The following PTPN13 variants were observed in gnomAD, a reference collection of about 807,000 sequenced individuals.
PTPN13 encodes tyrosine-protein phosphatase non-receptor type 13.
Under a neutral mutation model 284.0 loss-of-function variants are expected in PTPN13, and 191 were observed. The ratio of observed to expected loss-of-function variants is 0.67; its 90% CI spans 0.60 to 0.76. The LOEUF (loss-of-function observed/expected upper bound fraction) is 0.76. PTPN13 is among the 30% of genes least tolerant of loss of function. The probability of loss-of-function intolerance (pLI) is 0.00; values close to 1 mark genes in which losing one functional copy is unlikely to be tolerated. For missense variants in PTPN13, 2,797 were observed against 2,939.9 expected (o/e 0.95, Z 1.12); for synonymous variants, 986 against 1,022.3 (o/e 0.96, Z 0.68).
chr4:86,720,410 A>G (rs1565408376), intron 9 of PTPN13, among the ~76,000 whole-genome samples: 1 of 152,114 alleles, frequency 6.6e-6, no homozygotes, highest in Non-Finnish European at 1.5e-5. Flanking sequence ...TTCATACTTC[A>G]TGGGGAGAAA....
chr4:86,752,249 C>T (rs1327753404), intron 19 of PTPN13, among the ~76,000 whole-genome samples: 1 of 152,100 alleles, frequency 6.6e-6, no homozygotes, highest in Non-Finnish European at 1.5e-5. Context: ...TCTCTAATTA[C>T]CCAAAGTTTA....
chr4:86,762,648 T>G, intron 23 of PTPN13, 79 bp from the exon 24 acceptor site: 1 of 1,112,032 alleles, frequency 9.0e-7, no homozygotes, highest in East Asian at 2.4e-5. Flanking sequence ...CTTCCAACAA[T>G]CTTCAAGAAA....
chr4:86,775,291 T>A lies in PTPN13; in HGVS notation c.5629T>A (p.Leu1877Met). The A allele has an allele frequency of 6.2e-7, 1 of 1,613,552 alleles. No homozygotes were observed. Among genetic ancestry groups the A allele is most frequent in the Non-Finnish European group, 8.5e-7 (1 of 1,179,720 alleles). ...TCTAGAATTACCCAGAATACCAATGTTGCCTCATTTGCTACCGGACATAAC... is the reference window on the plus strand; with the variant it reads ...TCTAGAATTACCCAGAATACCAATGATGCCTCATTTGCTACCGGACATAAC... ...RVLELPRIPM[L>M]PHLLPDITLT... The change falls in exon 34 of 48, where the codon TTG (leucine) becomes ATG (methionine). Residue 1877 changes from leucine (L) to methionine (M), a missense_variant. Leu to Met is a conservative substitution (Grantham distance 15). Coordinates refer to ENST00000411767, the MANE Select transcript of PTPN13 (RefSeq NM_080683.3).
chr4:86,618,778 G>A (rs1288967695), intron 1 of PTPN13, among the ~76,000 whole-genome samples: 2 of 152,190 alleles, frequency 1.3e-5, no homozygotes, highest in Non-Finnish European at 2.9e-5. Context: ...CATTGATTTT[G>A]TATCCTGAGA....
intron 1 of PTPN13, among the ~76,000 whole-genome samples, chr4:86,632,663 C>G (rs1722592235): frequency 6.6e-6 from 1 of 151,494 alleles, no homozygotes; most frequent in Non-Finnish European, 1.5e-5. Context: ...TTTCCCTTCT[C>G]TCCTTTTCCC....
chr4:86,597,001 A>G (rs1019891782), intron 1 of PTPN13, among the ~76,000 whole-genome samples: 1 of 152,178 alleles, frequency 6.6e-6, no homozygotes, highest in East Asian at 1.9e-4. Flanking sequence ...AACTCTGTGT[A>G]GTTCAAAGTA....
chr4:86,665,470 C>T (rs1726959957), intron 2 of PTPN13, among the ~76,000 whole-genome samples: 1 of 152,042 alleles, frequency 6.6e-6, no homozygotes, highest in South Asian at 2.1e-4. Context: ...AAGTTAATGA[C>T]TATGTATAGT....
At chr4:86,811,773 A>AT (rs1275548532) in intron 47 of PTPN13, among the ~76,000 whole-genome samples, 5 of 152,326 alleles carry the variant, frequency 3.3e-5, no homozygotes, top group African/African-American at 1.2e-4. Context: ...ATATCCATAA[A>AT]TTAACATTTC....
At chr4:86,700,399 G>T (rs915638474) in intron 6 of PTPN13, among the ~76,000 whole-genome samples, 5 of 151,362 alleles carry the variant, frequency 3.3e-5, no homozygotes, top group Admixed American at 3.3e-4. Context: ...CTTTTTTGTT[G>T]AATCTATGGA....
rs934110018 is a variant in PTPN13, at chr4:86,771,600, A to G, written c.5168+65A>G. 15 of 1,425,714 alleles carry G rather than the reference A, an allele frequency of 1.1e-5. No homozygotes were observed. In the African/African-American group the frequency reaches 1.6e-4, roughly 15 times the overall value. 88.3% of individuals were successfully genotyped at this position (1,425,714 alleles called of 1,614,324 possible). On this transcript the variant is annotated intron_variant, in intron 31 of 47. Coordinates refer to ENST00000411767, the MANE Select transcript of PTPN13 (RefSeq NM_080683.3). ...TGTTGTTAGTAGCAGTAGCAGCAAC[A>G]TGCATTTCTCTTAAGAATGAAATGT...
At chr4:86,729,076 G>T (rs542355656) in intron 10 of PTPN13, among the ~76,000 whole-genome samples, 5 of 149,320 alleles carry the variant, frequency 3.3e-5, no homozygotes, top group Admixed American at 2.7e-4. Flanking sequence ...GTCTGTAAAG[G>T]ATTTTATTTC....
At chr4:86,813,451 T>G (rs1457245755) in intron 47 of PTPN13, among the ~76,000 whole-genome samples, 1 of 152,192 alleles carries the variant, frequency 6.6e-6, no homozygotes, top group Non-Finnish European at 1.5e-5. Flanking sequence ...GTTTGTTTGT[T>G]TGTTTGTTTT....
chr4:86,756,369 G>A (rs1737970328), intron 20 of PTPN13, among the ~76,000 whole-genome samples: 1 of 151,880 alleles, frequency 6.6e-6, no homozygotes, highest in Non-Finnish European at 1.5e-5. Context: ...AAAGGATCTT[G>A]GATACTTAAA....
chr4:86,754,769 A>G (rs1737783592), intron 20 of PTPN13, among the ~76,000 whole-genome samples: 1 of 152,112 alleles, frequency 6.6e-6, no homozygotes, highest in Non-Finnish European at 1.5e-5. Flanking sequence ...ATGAATGTAC[A>G]TTGGATAGCC....
At chr4:86,661,046 G>C in intron 2 of PTPN13, 1 of 443,924 alleles carries the variant, frequency 2.3e-6, no homozygotes. Context: ...ATTCTTAATT[G>C]TACAGCCTGA....
chr4:86,622,230 T>A (rs2148666995), intron 1 of PTPN13, among the ~76,000 whole-genome samples: 1 of 152,326 alleles, frequency 6.6e-6, no homozygotes, highest in East Asian at 1.9e-4. Context: ...TTGTGCTCTG[T>A]AAATCAGTGT....
rs1238702640 is a variant in PTPN13 at position 86,805,166 on chromosome 4, C to G, written c.6655-113C>G. 3 of 566,406 alleles carry G rather than the reference C, an allele frequency of 5.3e-6. No individual in the cohort carries two copies. The Admixed American group carries it at 1.1e-4, about 20-fold the overall frequency. 35.1% of individuals were successfully genotyped at this position (566,406 alleles called of 1,614,324 possible). A position where few individuals can be genotyped will look rare whatever the true frequency, so the allele number is the denominator to read the frequency against. Reference sequence around the variant, plus strand: ...ACTTATTTAGGACATCTGTATTTAACACTCAGAATCAGCCTTAATCAACCA... The same window carrying G: ...ACTTATTTAGGACATCTGTATTTAAGACTCAGAATCAGCCTTAATCAACCA... On this transcript the variant is annotated intron_variant, in intron 43 of 47. Transcript: ENST00000411767.
At chr4:86,718,095 G>A (rs938186591) in intron 9 of PTPN13, among the ~76,000 whole-genome samples, 6 of 152,136 alleles carry the variant, frequency 3.9e-5, no homozygotes, top group South Asian at 2.1e-4. Context: ...TGTCTTTGTC[G>A]TGTATGCCCA....
intron 2 of PTPN13, among the ~76,000 whole-genome samples, chr4:86,662,353 G>C (rs1726593214): frequency 6.6e-6 from 1 of 152,016 alleles, no homozygotes; most frequent in Admixed American, 6.6e-5. Context: ...ATTTATTTGA[G>C]ACGGAGTCTC....
Sources: allele counts gnomAD v4.1 joint callset (sites outside exome capture counted in the v4.1 genomes callset), GRCh38; gene constraint gnomAD v4.1.1; transcripts MANE v1.5; gene names NCBI Gene and HGNC (gene_info 2026-07-23, HGNC 2026-07-21).